CFAP46: variants seen among roughly 807,000 people sequenced by gnomAD.
CFAP46 encodes the protein cilia- and flagella-associated protein 46.
A neutral mutation model predicts 325.7 loss-of-function variants in CFAP46; 245 were observed. The ratio of observed to expected loss-of-function variants is 0.75; its 90% CI spans 0.68 to 0.84. The LOEUF (loss-of-function observed/expected upper bound fraction) is 0.84, where lower values mean the gene tolerates loss of function less well. Among genes scored for constraint, CFAP46 ranks in the 40% least tolerant of loss-of-function variants. The probability of loss-of-function intolerance (pLI) is 0.00; values close to 1 mark genes in which losing one functional copy is unlikely to be tolerated. For missense variants in CFAP46, 3,346 were observed against 3,543.0 expected (o/e 0.94, Z 1.41); for synonymous variants, 1,523 against 1,495.9 (o/e 1.02, Z -0.42).
chr10:132,877,022 C>A lies in CFAP46; in HGVS notation c.4213-61G>T. ...GTGGAGGTGAAACAGCAGACACCCC[C>A]GGCCCACCGGCATGGCTGTGCAGCA... On this transcript the variant is annotated intron_variant, in intron 30 of 57. Transcript: ENST00000368586. This position sits in a 1 kb window ranked among gnomAD's most constrained non-coding sequence, Gnocchi z 5.7. 6.7e-7 allele frequency: 1 copy of A among 1,498,306 alleles called. No individual in the cohort carries two copies. Among genetic ancestry groups the A allele is most frequent in the South Asian group, 1.3e-5 (1 of 76,448 alleles). 92.8% of individuals were successfully genotyped at this position (1,498,306 alleles called of 1,614,324 possible).
chr10:132,917,535 T>A (rs937580919), intron 16 of CFAP46, among the ~76,000 whole-genome samples: 1 of 152,240 alleles, frequency 6.6e-6, no homozygotes, highest in Non-Finnish European at 1.5e-5. Context: ...CCACATTCAA[T>A]GCGCTTCTGC....
chr10:132,942,531 T>C lies in CFAP46; in HGVS notation c.-47A>G. ...CGCTCTCTCCGGGGTCCGCGGTGCG[T>C]CCTGCCGCCCACTGTCGGTTGGGTT... On this transcript the variant is annotated 5_prime_UTR_variant, in exon 1 of 58. Coordinates refer to ENST00000368586, the MANE Select transcript of CFAP46 (RefSeq NM_001200049.3). 1 of 1,248,616 alleles carries C rather than the reference T, an allele frequency of 8.0e-7. No individual in the cohort carries two copies. 77.3% of individuals were successfully genotyped at this position (1,248,616 alleles called of 1,614,324 possible).
chr10:132,856,503 T>A (rs1464672654), intron 39 of CFAP46, among the ~76,000 whole-genome samples: 1 of 152,254 alleles, frequency 6.6e-6, no homozygotes, highest in Non-Finnish European at 1.5e-5. Context: ...TTAATTTTTG[T>A]TCTTTTTAAT....
intron 18 of CFAP46, 45 bp from the exon 19 acceptor site, chr10:132,912,865 T>A (rs56300950): frequency 0.37 from 565,851 of 1,539,906 alleles, 106,059 homozygotes; most frequent in Admixed American, 0.55. Context: ...CCCGCAGGCC[T>A]CGCCCCGATC....
At chr10:132,880,456 G>A (rs1341602250) in intron 28 of CFAP46, among the ~76,000 whole-genome samples, 1 of 152,226 alleles carries the variant, frequency 6.6e-6, no homozygotes, top group Non-Finnish European at 1.5e-5. Context: ...GCAACTTTGG[G>A]GATGGCTGAG....
intron 50 of CFAP46, among the ~76,000 whole-genome samples, chr10:132,816,620 A>G (rs1847701130): frequency 1.3e-5 from 2 of 152,082 alleles, no homozygotes; most frequent in African/African-American, 4.8e-5. Flanking sequence ...GGCGTGAGCA[A>G]TTGTGCCCGG....
At chr10:132,814,032 G>T in intron 54 of CFAP46, 120 bp downstream of exon 54, 1 of 712,232 alleles carries the variant, frequency 1.4e-6, no homozygotes, top group Non-Finnish European at 2.5e-6. Context: ...AGCATTGCAT[G>T]CTGTATGTGG....
chr10:132,821,091 ATG>A (rs1458446309), intron 50 of CFAP46, among the ~76,000 whole-genome samples: 4 of 61,708 alleles, frequency 6.5e-5, no homozygotes, highest in African/African-American at 2.7e-4. Flanking sequence ...GTGTGTGCTG[ATG>A]TGTGCTTTGT....
intron 35 of CFAP46, 87 bp downstream of exon 35, chr10:132,865,938 G>A: frequency 7.7e-7 from 1 of 1,301,608 alleles, no homozygotes; most frequent in Non-Finnish European, 9.9e-7. Context: ...GAACGCTACA[G>A]CCCAAGCTTC....
At chr10:132,942,317 C>T in intron 1 of CFAP46, 119 bp downstream of exon 1, 1 of 834,984 alleles carries the variant, frequency 1.2e-6, no homozygotes, top group Non-Finnish European at 1.5e-6. Flanking sequence ...GGCTGTGGCC[C>T]TCGAGGGATC....
rs1591087411 is a variant in CFAP46, at chr10:132,913,096, C to A, written c.2283G>T (p.Val761=). 6.5e-7 allele frequency: 1 copy of A among 1,550,282 alleles called. No homozygotes were observed. The highest frequency in any genetic ancestry group is 1.4e-5 in the African/African-American group (1 of 73,064). ...LILAGRQKEL[V]DALYHLLSIV... is the part of the protein sequence containing the mutation. ...TGCTCAGGAGGTGGTACAGGGCGTC[C>A]ACCAGCTCCTTCTGCCGCCCGGCCA... The change falls in exon 18 of 58, where the codon GTG becomes GTT. Residue 761 remains valine, a synonymous_variant. Transcript: ENST00000368586.
chr10:132,896,741 C>T (rs1464238828), intron 24 of CFAP46, among the ~76,000 whole-genome samples: 3 of 152,186 alleles, frequency 2.0e-5, no homozygotes, highest in African/African-American at 7.2e-5. Context: ...ATGATCCTCA[C>T]ATTCATATGG....
rs1191650930 is a variant in CFAP46 at position 132,866,266 on chromosome 10, C to T, written c.4744-95G>A. 3.1e-6 allele frequency: 4 copies of T among 1,279,402 alleles called. No homozygotes were observed. The African/African-American group carries it at 4.6e-5, about 15-fold the overall frequency. The allele number at this position is 1,279,402 out of a possible 1,614,324, so 79.3% of individuals were successfully genotyped here. A position where few individuals can be genotyped will look rare whatever the true frequency, so the allele number is the denominator to read the frequency against. ...TCTGGCTCAGGAGCCATCTGTACCACACAGGGAGCCACACCACACCAAGGG... is the reference window on the plus strand; with the variant it reads ...TCTGGCTCAGGAGCCATCTGTACCATACAGGGAGCCACACCACACCAAGGG... On this transcript the variant is annotated intron_variant, in intron 34 of 57. Coordinates refer to ENST00000368586, the MANE Select transcript of CFAP46 (RefSeq NM_001200049.3).
chr10:132,862,379 G>A (rs1848734842), intron 35 of CFAP46, among the ~76,000 whole-genome samples: 1 of 151,402 alleles, frequency 6.6e-6, no homozygotes, highest in African/African-American at 2.4e-5. Context: ...AGGGTGCGGA[G>A]GTGGGACAGA....
At chr10:132,812,282 CT>C (rs1325186165) in intron 55 of CFAP46, among the ~76,000 whole-genome samples, 1 of 152,258 alleles carries the variant, frequency 6.6e-6, no homozygotes, top group Non-Finnish European at 1.5e-5. Context: ...AAAGCCCCCC[CT>C]GTGCTGGAGC....
chr10:132,868,224 G>A (rs1043129628), intron 33 of CFAP46, among the ~76,000 whole-genome samples: 6 of 151,790 alleles, frequency 4.0e-5, no homozygotes, highest in South Asian at 2.1e-4. Flanking sequence ...ACACCACATC[G>A]CGCTGGCCAC....
At chr10:132,923,373 C>T (rs1849758007) in intron 11 of CFAP46, among the ~76,000 whole-genome samples, 1 of 135,302 alleles carries the variant, frequency 7.4e-6, no homozygotes, top group Non-Finnish European at 1.6e-5. Context: ...TGCCCTGGAA[C>T]CCCTGGCCTC....
At chr10:132,941,954 G>A in intron 2 of CFAP46, 26 bp downstream of exon 2, 1 of 1,550,930 alleles carries the variant, frequency 6.4e-7, no homozygotes, top group African/African-American at 1.4e-5. Context: ...AAGCTGCCCT[G>A]ACCGAGGATC....
chr10:132,814,660 C>T, intron 52 of CFAP46, 26 bp downstream of exon 52: 1 of 1,579,648 alleles, frequency 6.3e-7, no homozygotes, highest in Non-Finnish European at 8.6e-7. Context: ...GGGTCTGGGG[C>T]CCCCCCGGGG....
Sources: allele counts gnomAD v4.1 joint callset (sites outside exome capture counted in the v4.1 genomes callset), GRCh38; gene constraint gnomAD v4.1.1; non-coding constraint Gnocchi (gnomAD v3.1); transcripts MANE v1.5; gene names NCBI Gene and HGNC (gene_info 2026-07-23, HGNC 2026-07-21).